Variants in USP53 observed in about 807,000 individuals in gnomAD.
The protein encoded by USP53 is ubiquitin carboxyl-terminal hydrolase 53.
A neutral mutation model predicts 94.9 loss-of-function variants in USP53; 71 were observed. The observed-to-expected ratio is 0.75, with a 90% CI of 0.62 to 0.91. USP53 has a LOEUF of 0.91. USP53 is among the 40% of genes least tolerant of loss of function. USP53 has a pLI of 0.00. For missense variants in USP53, 1,173 were observed against 1,281.0 expected, an observed-to-expected ratio of 0.92 and a Z score of 1.29; for synonymous variants, 375 against 422.7, an observed-to-expected ratio of 0.89 and a Z score of 1.39.
Position 119,212,753 on chromosome 4 carries a change from G to A in USP53, c.-1062G>A, listed in dbSNP as rs1437728829. ...TCGGTACTGTGGCAGCAGTCAGTGT[G>A]TCTGGCGGGTGTCGGCGTGAAGCGG... On this transcript the variant is annotated 5_prime_UTR_variant, in exon 1 of 19. Transcript: ENST00000692078. 4.4e-5 allele frequency: 14 copies of A among 320,000 alleles called. No individual in the cohort carries two copies. The highest frequency in any genetic ancestry group is 3.9e-5 in the Admixed American group (1 of 25,520). 19.8% of individuals were successfully genotyped at this position (320,000 alleles called of 1,614,324 possible). A position where few individuals can be genotyped will look rare whatever the true frequency, so the allele number is the denominator to read the frequency against.
chr4:119,258,029 T>A (rs1260064917), intron 9 of USP53, among the ~76,000 whole-genome samples: 1 of 152,222 alleles, frequency 6.6e-6, no homozygotes, highest in African/African-American at 2.4e-5. Flanking sequence ...ATATCCTTAT[T>A]TGTATTGGTA....
At chr4:119,235,000 A>G (rs1354176468) in intron 3 of USP53, among the ~76,000 whole-genome samples, 4 of 152,346 alleles carry the variant, frequency 2.6e-5, no homozygotes, top group East Asian at 3.9e-4. Flanking sequence ...CATTTAACCT[A>G]TGTTAAAGCA....
At chr4:119,230,002 C>T (rs760516752) in intron 3 of USP53, among the ~76,000 whole-genome samples, 2 of 152,158 alleles carry the variant, frequency 1.3e-5, no homozygotes, top group Non-Finnish European at 2.9e-5. Flanking sequence ...CCAACATACG[C>T]ATGAAACTTG....
intron 3 of USP53, chr4:119,220,007 T>TA (rs1744286957): frequency 6.6e-6 from 1 of 152,180 alleles, no homozygotes; most frequent in Non-Finnish European, 1.5e-5. Flanking sequence ...TGGAAAGTAT[T>TA]AATAACTGAT....
At position 119,269,744 on chromosome 4, in the gene USP53, T is replaced by C; in HGVS notation, c.1342T>C (p.Cys448Arg). The C allele has an allele frequency of 1.3e-6, 2 of 1,507,346 alleles. No homozygotes were observed. The allele number at this position is 1,507,346 out of a possible 1,614,324, so 93.4% of individuals were successfully genotyped here. Residue 448 changes from cysteine (C) to arginine (R), a missense_variant, in exon 15 of 19, where the codon TGT becomes CGT. Physicochemically the swap from Cys to Arg is radical, Grantham distance 180 (BLOSUM62 -3). Transcript: ENST00000692078. The stretch of plus-strand genomic sequence containing the variant: ...AAAGATAAAAGACATTTCCAGAGAA[T>C]GTGCTCTGAAAGCTATTGAACAGAA... ...REKIKDISRE[C>R]ALKAIEQKNL...
At position 119,239,799 on chromosome 4, in the gene USP53, C is replaced by T; in HGVS notation, c.40C>T (p.Leu14Phe). 1.2e-6 allele frequency: 2 copies of T among 1,611,726 alleles called. No homozygotes were observed. Among genetic ancestry groups the T allele is most frequent in the Non-Finnish European group, 1.7e-6 (2 of 1,179,202 alleles). The stretch of plus-strand genomic sequence containing the variant: ...ATTCTTACGGAAACCTGGTGGCAAT[C>T]TTGGAAAAGTTTATCAGCCTGGAAG... ...VKFLRKPGGN[L>F]GKVYQPGSML... The change falls in exon 5 of 19, where the codon CTT (leucine) becomes TTT (phenylalanine). Residue 14 changes from leucine to phenylalanine, a missense_variant. Transcript: ENST00000692078.
At chr4:119,286,236 A>G (rs1754096659) in intron 17 of USP53, among the ~76,000 whole-genome samples, 1 of 148,156 alleles carries the variant, frequency 6.7e-6, no homozygotes, top group African/African-American at 2.5e-5. Flanking sequence ...ATATATATAT[A>G]TGTCTATTTT....
chr4:119,238,994 A>G (rs1426639978), intron 4 of USP53, among the ~76,000 whole-genome samples: 1 of 152,196 alleles, frequency 6.6e-6, no homozygotes, highest in Non-Finnish European at 1.5e-5. Context: ...TTAGGAAACC[A>G]TCTTTTGAAC....
In USP53 at chr4:119,269,691, CTAAGT is replaced by C. The variant is rs1288933417; in HGVS notation, c.1295_1299del (p.Leu432SerfsTer3). The C allele has an allele frequency of 6.4e-6, 9 of 1,416,994 alleles. No individual in the cohort carries two copies. The highest frequency in any genetic ancestry group is 1.5e-5 in the African/African-American group (1 of 68,330). The allele number at this position is 1,416,994 out of a possible 1,614,324, so 87.8% of individuals were successfully genotyped here. A position where few individuals can be genotyped will look rare whatever the true frequency, so the allele number is the denominator to read the frequency against. ...ATAGTAAGAATGATTTCTTTTACAG[CTAAGT>C]TAAGTCACATTGATCAAAGGGAAAA... On this transcript the variant is annotated frameshift_variant and splice_region_variant, in exon 15 of 19. Transcript: ENST00000692078. LOFTEE classifies it high-confidence loss of function.
At chr4:119,217,321 A>G (rs1352395894) in intron 2 of USP53, among the ~76,000 whole-genome samples, 1 of 152,116 alleles carries the variant, frequency 6.6e-6, no homozygotes, top group East Asian at 1.9e-4. Context: ...CTCCTATATG[A>G]TGCTACCATA....
chr4:119,271,407 A>G lies in USP53; in HGVS notation c.1547A>G (p.Tyr516Cys), dbSNP rs750927098. The change falls in exon 16 of 19, where the codon TAT becomes TGT. Residue 516 changes from tyrosine to cysteine, a missense_variant. Physicochemically the swap from Tyr to Cys is radical, Grantham distance 194 (BLOSUM62 -2). Transcript: ENST00000692078. The part of the protein sequence containing the change: ...HLYHSQGKGS[Y>C]KHDRVVPQSR... ...TATCATAGTCAAGGAAAAGGATCATATAAACATGACCGAGTTGTACCTCAG... is the reference window on the plus strand; with the variant it reads ...TATCATAGTCAAGGAAAAGGATCATGTAAACATGACCGAGTTGTACCTCAG... 6 of 1,614,064 alleles carry G rather than the reference A, an allele frequency of 3.7e-6. No individual in the cohort carries two copies. Among genetic ancestry groups the G allele is most frequent in the Non-Finnish European group, 5.1e-6 (6 of 1,180,014 alleles).
Position 119,293,246 on chromosome 4 carries a change from T to C in USP53, c.*35T>C, listed in dbSNP as rs768983135. ...GGACTAGACCTGTGTTACATAATAA[T>C]CTTGGTTCAAGCTGCCCTTCTGAAC... On this transcript the variant is annotated 3_prime_UTR_variant, in exon 19 of 19. Transcript: ENST00000692078. The C allele has an allele frequency of 1.3e-6, 2 of 1,532,564 alleles. No individual in the cohort carries two copies. The highest frequency in any genetic ancestry group is 1.7e-6 in the Non-Finnish European group (2 of 1,151,848). The allele number at this position is 1,532,564 out of a possible 1,614,324, so 94.9% of individuals were successfully genotyped here.
intron 7 of USP53, among the ~76,000 whole-genome samples, chr4:119,249,752 C>T (rs142185774): frequency 0.015 from 2,205 of 149,510 alleles, 43 homozygotes; most frequent in African/African-American, 0.051. Flanking sequence ...GCAAGCTCCA[C>T]CTCCTGGGTT....
intron 3 of USP53, among the ~76,000 whole-genome samples, chr4:119,231,765 G>A (rs895313599): frequency 6.6e-6 from 1 of 152,164 alleles, no homozygotes; most frequent in Non-Finnish European, 1.5e-5. Flanking sequence ...CTCTGCCAGT[G>A]GAGTCACACA....
intron 17 of USP53, among the ~76,000 whole-genome samples, chr4:119,282,555 T>C (rs1289073323): frequency 6.6e-6 from 1 of 152,090 alleles, no homozygotes; most frequent in African/African-American, 2.4e-5. Context: ...AATTATACTA[T>C]TTTAAAGTTA....
In USP53 at chr4:119,292,505, C is replaced by T; in HGVS notation, c.2516C>T (p.Thr839Ile). 1 of 1,613,958 alleles carries T rather than the reference C, an allele frequency of 6.2e-7. No homozygotes were observed. Among genetic ancestry groups the T allele is most frequent in the Non-Finnish European group, 8.5e-7 (1 of 1,179,912 alleles). The change falls in exon 19 of 19, where the codon ACA (threonine) becomes ATA (isoleucine). Residue 839 changes from threonine (T) to isoleucine (I), a missense_variant. Physicochemically the swap from Thr to Ile is moderately conservative, Grantham distance 89 (BLOSUM62 -1). Transcript: ENST00000692078. ...EWLNIENSER[T>I]GLPFHVDNSA... ...CTTAATATAGAAAATTCTGAGAGAA[C>T]AGGTTTGCCTTTTCACGTTGATAAC...
rs776578098 is a variant in USP53 at position 119,292,750 on chromosome 4, C to T, written c.2761C>T (p.Pro921Ser). The change falls in exon 19 of 19, where the codon CCA becomes TCA. Residue 921 changes from proline to serine, a missense_variant. Physicochemically the swap from Pro to Ser is moderately conservative, Grantham distance 74 (BLOSUM62 -1). Coordinates refer to ENST00000692078, the MANE Select transcript of USP53 (RefSeq NM_001371395.1). Reference protein sequence around the residue: ...QMPKLFCQNLPPPLPPKKYAI... With the variant: ...QMPKLFCQNLSPPLPPKKYAI... ...GCCAAAACTTTTTTGCCAGAATCTA[C>T]CACCCCCTTTGCCACCAAAGAAATA... 3 of 1,614,002 alleles carry T rather than the reference C, an allele frequency of 1.9e-6. No individual in the cohort carries two copies. The highest frequency in any genetic ancestry group is 2.2e-5 in the South Asian group (2 of 91,074).
At chr4:119,252,546 G>A (rs531936396) in intron 7 of USP53, among the ~76,000 whole-genome samples, 47 of 152,246 alleles carry the variant, frequency 3.1e-4, no homozygotes, top group African/African-American at 1.1e-3. Flanking sequence ...ATTCTGTGAT[G>A]GTAGTTTATA....
At chr4:119,283,394 A>G (rs1456694153) in intron 17 of USP53, among the ~76,000 whole-genome samples, 1 of 151,904 alleles carries the variant, frequency 6.6e-6, no homozygotes. Flanking sequence ...AATTTGTGCT[A>G]TTTTTTAATC....
Sources: allele counts gnomAD v4.1 joint callset (sites outside exome capture counted in the v4.1 genomes callset), GRCh38; gene constraint gnomAD v4.1.1; transcripts MANE v1.5; gene names NCBI Gene and HGNC (gene_info 2026-07-23, HGNC 2026-07-21).